Variants in QTRT2 observed in about 807,000 individuals in gnomAD.
QTRT2 encodes queuine tRNA-ribosyltransferase accessory subunit 2.
Under a neutral mutation model 44.8 loss-of-function variants are expected in QTRT2, and 32 were observed. The observed-to-expected ratio is 0.71, with a 90% CI of 0.54 to 0.96. The LOEUF (loss-of-function observed/expected upper bound fraction) is 0.96, where lower values mean the gene tolerates loss of function less well. QTRT2 is among the 40% of genes least tolerant of loss of function. The pLI is 0.00. For synonymous variants in QTRT2, 182 were observed against 187.4 expected, an observed-to-expected ratio of 0.97 and a Z score of 0.24; for missense variants, 461 against 503.1, an observed-to-expected ratio of 0.92 and a Z score of 0.80.
chr3:114,080,098 C>T (rs1577545494), intron 8 of QTRT2, 41 bp downstream of exon 8: 5 of 1,513,508 alleles, frequency 3.3e-6, no homozygotes, highest in Non-Finnish European at 4.4e-6. Flanking sequence ...TAAGTTTCTT[C>T]CATTTCCTGT....
intron 6 of QTRT2, 132 bp from the exon 7 acceptor site, chr3:114,076,611 A>G: frequency 1.3e-6 from 1 of 744,740 alleles, no homozygotes; most frequent in Non-Finnish European, 2.3e-6. Context: ...AGGGAGCACC[A>G]TCCCCTTTAA....
chr3:114,057,720 A>G (rs1344909432), intron 2 of QTRT2, among the ~76,000 whole-genome samples: 1 of 152,230 alleles, frequency 6.6e-6, no homozygotes, highest in Non-Finnish European at 1.5e-5. Flanking sequence ...AGAAAAGCAA[A>G]TTGCAGAGAA....
At chr3:114,081,300 T>G (rs1041220857) in intron 8 of QTRT2, among the ~76,000 whole-genome samples, 3 of 152,176 alleles carry the variant, frequency 2.0e-5, no homozygotes, top group African/African-American at 7.2e-5. Context: ...AAGAAATTAC[T>G]TGGCAGCAGT....
intron 7 of QTRT2, 59 bp downstream of exon 7, chr3:114,077,001 C>A: frequency 6.8e-7 from 1 of 1,471,562 alleles, no homozygotes; most frequent in Non-Finnish European, 9.5e-7. Flanking sequence ...GAGTGCTGGC[C>A]GATTGTATAT....
In QTRT2 at chr3:114,082,837, G is replaced by A. The variant is rs761052567; in HGVS notation, c.1016+43G>A. ...GTTTGGATTTTGCTTTCTGACTTCTGAATTTTAGTCTGTGTTAAAAGTTTA... is the reference window on the plus strand; with the variant it reads ...GTTTGGATTTTGCTTTCTGACTTCTAAATTTTAGTCTGTGTTAAAAGTTTA... On this transcript the variant is annotated intron_variant, in intron 9 of 9. Transcript: ENST00000281273. 3 of 864,758 alleles carry A rather than the reference G, an allele frequency of 3.5e-6. No individual in the cohort carries two copies. In the East Asian group the frequency reaches 7.6e-5, roughly 22 times the overall value. 53.6% of individuals were successfully genotyped at this position (864,758 alleles called of 1,614,324 possible). A position where few individuals can be genotyped will look rare whatever the true frequency, so the allele number is the denominator to read the frequency against.
At position 114,076,867 on chromosome 3, in the gene QTRT2, G is replaced by A. The variant is rs1577538824; in HGVS notation, c.671G>A (p.Gly224Glu). Reference protein sequence around the residue: ...VGGFLLDGFQGNPTTLEARLR... With the variant: ...VGGFLLDGFQENPTTLEARLR... The stretch of plus-strand genomic sequence containing the variant: ...GGCTTCCTTCTGGATGGTTTTCAAG[G>A]AAATCCAACAACCCTGGAGGCTAGA... Residue 224 changes from glycine to glutamate, a missense_variant, in exon 7 of 10, where the codon GGA (glycine) becomes GAA (glutamate). Transcript: ENST00000281273. 1 of 1,614,188 alleles carries A rather than the reference G, an allele frequency of 6.2e-7. No homozygotes were observed. Among genetic ancestry groups the A allele is most frequent in the Middle Eastern group, 1.6e-4 (1 of 6,062 alleles).
chr3:114,061,982 C>A (rs9815824), intron 2 of QTRT2, among the ~76,000 whole-genome samples: 81,375 of 149,748 alleles, frequency 0.54, 22,421 homozygotes, highest in African/African-American at 0.63. Context: ...TTGTTATTTT[C>A]AGTGGCCATG....
In QTRT2 at chr3:114,086,016, A is replaced by G. The variant is rs1015169742; in HGVS notation, c.*112A>G. On this transcript the variant is annotated 3_prime_UTR_variant, in exon 10 of 10. Transcript: ENST00000281273. ...CTTTAATTATTTATATTTGGATATA[A>G]GGTCTGCTTAAATAAAGAATCTTTG... The G allele has an allele frequency of 3.2e-5, 27 of 856,032 alleles. 1 individual carries two copies. In the African/African-American group the frequency reaches 3.9e-4, roughly 12 times the overall value. 53.0% of individuals were successfully genotyped at this position (856,032 alleles called of 1,614,324 possible). A position where few individuals can be genotyped will look rare whatever the true frequency, so the allele number is the denominator to read the frequency against.
chr3:114,080,233 CTA>C lies in QTRT2; in HGVS notation c.898+179_898+180del, dbSNP rs369296021. On this transcript the variant is annotated intron_variant, in intron 8 of 9. Transcript: ENST00000281273. Reference sequence around the variant, plus strand: ...GGCACACAAATCCAGGTACTTAATACTATACATGTAGCTCATCAATATTAGGA... The same window carrying C: ...GGCACACAAATCCAGGTACTTAATACTACATGTAGCTCATCAATATTAGGA... 3.5e-4 allele frequency among the ~76,000 whole-genome samples: 53 copies of C among 152,258 alleles called. No homozygotes were observed. The East Asian group carries it at 9.3e-3, about 27-fold the overall frequency.
chr3:114,058,273 A>G (rs552404451), intron 2 of QTRT2, among the ~76,000 whole-genome samples: 1 of 151,814 alleles, frequency 6.6e-6, no homozygotes, highest in Non-Finnish European at 1.5e-5. Flanking sequence ...TGTGTTTTCT[A>G]TTTCTTTTTT....
intron 4 of QTRT2, among the ~76,000 whole-genome samples, chr3:114,067,081 T>C (rs564705321): frequency 2.1e-4 from 32 of 152,174 alleles, no homozygotes; most frequent in Non-Finnish European, 4.6e-4. Context: ...CTGTTTCCAT[T>C]GGTTATTCAG....
At position 114,062,994 on chromosome 3, in the gene QTRT2, C is replaced by T. The variant is rs1429951554; in HGVS notation, c.-21-2243C>T. Among the ~76,000 whole-genome samples, 7 of 152,172 alleles carry T rather than the reference C, an allele frequency of 4.6e-5. No homozygotes were observed. The East Asian group carries it at 1.3e-3, about 29-fold the overall frequency. On this transcript the variant is annotated intron_variant, in intron 2 of 9. Coordinates refer to ENST00000281273, the MANE Select transcript of QTRT2 (RefSeq NM_024638.4). Reference sequence around the variant, plus strand: ...AGCCAGCAAGTTCTTGTCTCTAGCCCTTTCTGAAATAGCTTCGGGCAACAC... The same window carrying T: ...AGCCAGCAAGTTCTTGTCTCTAGCCTTTTCTGAAATAGCTTCGGGCAACAC...
chr3:114,081,930 A>C (rs894678129), intron 8 of QTRT2, among the ~76,000 whole-genome samples: 2 of 152,046 alleles, frequency 1.3e-5, no homozygotes, highest in African/African-American at 4.8e-5. Context: ...ATACCCCTTA[A>C]CTACTTGTCC....
chr3:114,066,731 C>T (rs1389573325), intron 4 of QTRT2, among the ~76,000 whole-genome samples: 1 of 152,092 alleles, frequency 6.6e-6, no homozygotes, highest in Non-Finnish European at 1.5e-5. Context: ...AAAAGTTACC[C>T]AGGTTAGGAG....
chr3:114,058,878 A>G (rs965031087), intron 2 of QTRT2, among the ~76,000 whole-genome samples: 2 of 152,214 alleles, frequency 1.3e-5, no homozygotes, highest in African/African-American at 4.8e-5. Flanking sequence ...TCAATGCACC[A>G]CATTGTTTAA....
intron 2 of QTRT2, among the ~76,000 whole-genome samples, chr3:114,059,619 A>T (rs1411095409): frequency 6.6e-6 from 1 of 152,144 alleles, no homozygotes; most frequent in Non-Finnish European, 1.5e-5. Context: ...CATTTTTTTA[A>T]AAAAAATATT....
intron 1 of QTRT2, 24 bp downstream of exon 1, chr3:114,056,888 G>C (rs1475504874): frequency 2.0e-6 from 3 of 1,535,508 alleles, no homozygotes; most frequent in Non-Finnish European, 2.6e-6. Flanking sequence ...TGCCCTGCTG[G>C]TGTGGGAGCT....
At chr3:114,083,314 CTGTTGTTGTTGTTGTTGTTGTTGT>C (rs56306334) in intron 9 of QTRT2, among the ~76,000 whole-genome samples, 1 of 150,184 alleles carries the variant, frequency 6.7e-6, no homozygotes, top group African/African-American at 2.5e-5. Flanking sequence ...GTTGCTGCTG[CTGTTGTTGTTGTTGTTGTTGTTGT>C]TGTTGTTGTT....
chr3:114,075,173 A>G (rs1201378332), intron 6 of QTRT2, among the ~76,000 whole-genome samples: 1 of 152,098 alleles, frequency 6.6e-6, no homozygotes, highest in African/African-American at 2.4e-5. Context: ...TGTACGTACC[A>G]TTTCCCTTAC....
Sources: allele counts gnomAD v4.1 joint callset (sites outside exome capture counted in the v4.1 genomes callset), GRCh38; gene constraint gnomAD v4.1.1; transcripts MANE v1.5; gene names NCBI Gene and HGNC (gene_info 2026-07-23, HGNC 2026-07-21).